EFNA5: variants seen among roughly 807,000 people sequenced by gnomAD.
The protein encoded by EFNA5 is ephrin-A5.
EFNA5 carries 5 observed loss-of-function variants against 22.9 expected under a neutral mutation model. The ratio of observed to expected loss-of-function variants is 0.22; its 90% confidence interval spans 0.11 to 0.46. EFNA5 has a LOEUF of 0.46. EFNA5 is among the 20% of genes least tolerant of loss of function. The pLI is 0.99. For missense variants in EFNA5, 237 were observed against 293.3 expected, an observed-to-expected ratio of 0.81 and a Z score of 1.40; for synonymous variants, 113 against 112.2, an observed-to-expected ratio of 1.01 and a Z score of -0.04.
rs1375200047 is a variant in EFNA5 at position 107,379,900 on chromosome 5, T to G, written c.*1355A>C. 6.6e-6 allele frequency: 1 copy of G among 152,222 alleles called. No individual in the cohort carries two copies. The highest frequency in any genetic ancestry group is 2.1e-4 in the South Asian group (1 of 4,834). The allele number at this position is 152,222 out of a possible 1,614,324, so 9.4% of individuals were successfully genotyped here. A position where few individuals can be genotyped will look rare whatever the true frequency, so the allele number is the denominator to read the frequency against. Reference sequence around the variant, plus strand: ...CTAAATAATGTATTTTCTATTCTAGTGGATTTTTAAAAAAATATTTTGTTA... The same window carrying G: ...CTAAATAATGTATTTTCTATTCTAGGGGATTTTTAAAAAAATATTTTGTTA... On this transcript the variant is annotated 3_prime_UTR_variant, in exon 5 of 5. Coordinates refer to ENST00000333274, the MANE Select transcript of EFNA5 (RefSeq NM_001962.3).
intron 1 of EFNA5, among the ~76,000 whole-genome samples, chr5:107,661,442 T>C (rs976479480): frequency 4.6e-5 from 7 of 152,302 alleles, no homozygotes; most frequent in Middle Eastern, 3.4e-3. Flanking sequence ...CATCTCAAAG[T>C]GTCAGTCACT....
In EFNA5 at chr5:107,638,256, T is replaced by C. The variant is rs1750428201; in HGVS notation, c.125+32233A>G. The stretch of plus-strand genomic sequence containing the variant: ...TCCACACAAGAAATCTTATCAGAGA[T>C]ACAACACCGCGTGATCTCACTTATA... On this transcript the variant is annotated intron_variant, in intron 1 of 4. Transcript: ENST00000333274. 3.9e-5 allele frequency among the ~76,000 whole-genome samples: 6 copies of C among 152,108 alleles called. No homozygotes were observed. In the South Asian group the frequency reaches 1.2e-3, roughly 32 times the overall value.
intron 1 of EFNA5, among the ~76,000 whole-genome samples, chr5:107,526,633 T>C (rs1333711251): frequency 2.0e-5 from 3 of 152,202 alleles, no homozygotes; most frequent in African/African-American, 7.2e-5. Flanking sequence ...AAGTGAAAAG[T>C]ATATAGAAAA....
chr5:107,651,191 C>T (rs1443116233), intron 1 of EFNA5, among the ~76,000 whole-genome samples: 1 of 152,094 alleles, frequency 6.6e-6, no homozygotes, highest in African/African-American at 2.4e-5. Flanking sequence ...GGCCAAGGGA[C>T]CTTTGGCTAG....
In EFNA5 at chr5:107,378,707, T is replaced by C. The variant is rs1747345352; in HGVS notation, c.*2548A>G. The C allele has an allele frequency of 6.6e-6, 1 of 152,208 alleles. No individual in the cohort carries two copies. Among genetic ancestry groups the C allele is most frequent in the Non-Finnish European group, 1.5e-5 (1 of 68,050 alleles). The allele number at this position is 152,208 out of a possible 1,614,324, so 9.4% of individuals were successfully genotyped here. A position where few individuals can be genotyped will look rare whatever the true frequency, so the allele number is the denominator to read the frequency against. Reference sequence around the variant, plus strand: ...GGCAGAATGGTGAAGTAAAGGGGTCTAATTTCACTGTGAAAAAATGAAAGA... The same window carrying C: ...GGCAGAATGGTGAAGTAAAGGGGTCCAATTTCACTGTGAAAAAATGAAAGA... On this transcript the variant is annotated 3_prime_UTR_variant, in exon 5 of 5. Transcript: ENST00000333274.
chr5:107,549,862 C>T (rs1276675960), intron 1 of EFNA5, among the ~76,000 whole-genome samples: 1 of 152,270 alleles, frequency 6.6e-6, no homozygotes, highest in Non-Finnish European at 1.5e-5. Flanking sequence ...CCAGATCCTT[C>T]AGCACCCATG....
At chr5:107,560,696 G>T (rs979559589) in intron 1 of EFNA5, among the ~76,000 whole-genome samples, 1 of 152,174 alleles carries the variant, frequency 6.6e-6, no homozygotes, top group African/African-American at 2.4e-5. Context: ...CTCTCAAAAA[G>T]GGGATGGATT....
At chr5:107,477,887 C>T (rs545133052) in intron 1 of EFNA5, among the ~76,000 whole-genome samples, 29 of 152,148 alleles carry the variant, frequency 1.9e-4, no homozygotes, top group African/African-American at 6.5e-4. Flanking sequence ...AAAGAGAGTT[C>T]CCCTTGGTTT....
intron 1 of EFNA5, among the ~76,000 whole-genome samples, chr5:107,580,057 A>G (rs1299945161): frequency 6.6e-6 from 1 of 152,220 alleles, no homozygotes; most frequent in African/African-American, 2.4e-5. Context: ...AGCCCCTCAG[A>G]AAGGTCTATT....
intron 1 of EFNA5, among the ~76,000 whole-genome samples, chr5:107,583,107 T>C (rs1288160884): frequency 6.6e-6 from 1 of 152,142 alleles, no homozygotes; most frequent in Non-Finnish European, 1.5e-5. Context: ...AGAATTTTAA[T>C]CCTATAAAAT....
chr5:107,407,002 A>G (rs1748242191), intron 2 of EFNA5, among the ~76,000 whole-genome samples: 1 of 152,236 alleles, frequency 6.6e-6, no homozygotes, highest in African/African-American at 2.4e-5. Context: ...TAGGTTCTTA[A>G]ATCAGCTATC....
intron 1 of EFNA5, among the ~76,000 whole-genome samples, chr5:107,562,642 A>T (rs577146151): frequency 2.2e-4 from 33 of 152,330 alleles, no homozygotes; most frequent in African/African-American, 6.5e-4. Flanking sequence ...ATCATTTTTT[A>T]AAAAAGTTCC....
chr5:107,420,907 A>T (rs1451871352), intron 2 of EFNA5, among the ~76,000 whole-genome samples: 1 of 152,168 alleles, frequency 6.6e-6, no homozygotes, highest in Non-Finnish European at 1.5e-5. Flanking sequence ...TTGCACTTCT[A>T]CGAAAAACTA....
intron 1 of EFNA5, among the ~76,000 whole-genome samples, chr5:107,569,547 GTATATATATATT>G (rs1178519901): frequency 3.8e-5 from 4 of 104,422 alleles, no homozygotes; most frequent in Admixed American, 1.2e-4. Context: ...ATATATGTGT[GTATATATATATT>G]TATATATATA....
chr5:107,595,341 T>C (rs1421415145), intron 1 of EFNA5, among the ~76,000 whole-genome samples: 1 of 152,138 alleles, frequency 6.6e-6, no homozygotes, highest in Non-Finnish European at 1.5e-5. Flanking sequence ...TCAGACTTAC[T>C]ATACAACAAG....
At chr5:107,563,971 C>T (rs914656467) in intron 1 of EFNA5, among the ~76,000 whole-genome samples, 2 of 152,206 alleles carry the variant, frequency 1.3e-5, no homozygotes, top group East Asian at 1.9e-4. Flanking sequence ...ATTTGAGAAC[C>T]TCCTCCTTGG....
At chr5:107,576,927 G>T (rs993372094) in intron 1 of EFNA5, among the ~76,000 whole-genome samples, 10 of 152,128 alleles carry the variant, frequency 6.6e-5, no homozygotes, top group Non-Finnish European at 1.0e-4. Flanking sequence ...CCCCATGAAG[G>T]TTAGCATTCC....
chr5:107,388,706 G>A (rs1004019361), intron 2 of EFNA5, among the ~76,000 whole-genome samples: 21 of 152,106 alleles, frequency 1.4e-4, no homozygotes, highest in African/African-American at 4.3e-4. Flanking sequence ...TTACAGAAAC[G>A]AGCGTCGCAT....
intron 1 of EFNA5, among the ~76,000 whole-genome samples, chr5:107,448,176 GAA>G (rs572304784): frequency 2.1e-4 from 32 of 152,332 alleles, no homozygotes; most frequent in Middle Eastern, 3.4e-3. Context: ...TAGTCCTGGA[GAA>G]GACAGACTGG....
Sources: allele counts gnomAD v4.1 joint callset (sites outside exome capture counted in the v4.1 genomes callset), GRCh38; gene constraint gnomAD v4.1.1; transcripts MANE v1.5; gene names NCBI Gene and HGNC (gene_info 2026-07-23, HGNC 2026-07-21).